Variants in GPHN observed in about 807,000 individuals in gnomAD.
The protein encoded by GPHN is gephyrin.
A neutral mutation model predicts 95.5 loss-of-function variants in GPHN; 17 were observed. The observed-to-expected ratio is 0.18, with a 90% CI of 0.12 to 0.27. The LOEUF (loss-of-function observed/expected upper bound fraction) is 0.27. Ranked by LOEUF, GPHN falls within the 10% of genes least tolerant of loss-of-function variation. The pLI, the probability that GPHN is intolerant of heterozygous loss-of-function variation, is 1.00. For missense variants in GPHN, 660 were observed against 978.1 expected (o/e 0.67, Z 4.34); for synonymous variants, 320 against 322.5 (o/e 0.99, Z 0.08).
At chr14:67,623,534 C>CTTTTTTTTTTTTTT in the GPHN span, among the ~76,000 whole-genome samples, 1 of 82,924 alleles carries the variant, frequency 1.2e-5, no homozygotes, top group African/African-American at 4.9e-5. Flanking sequence ...CTCAGGTAAC[C>CTTTTTTTTTTTTTT]TTTTTTTTTT....
At chr14:67,037,385 G>T (rs2074474443) in intron 10 of GPHN, among the ~76,000 whole-genome samples, 1 of 151,902 alleles carries the variant, frequency 6.6e-6, no homozygotes. Context: ...ACATTGAAAT[G>T]GGAAACGATC....
In GPHN at chr14:66,822,115, C is replaced by G. The variant is rs180892068; in HGVS notation, c.202-2359C>G. Reference sequence around the variant, plus strand: ...TAGAGGCACCCACCACCGTGCCCGGCCAATTTTTGTATTTTTAGTAGAGAC... The same window carrying G: ...TAGAGGCACCCACCACCGTGCCCGGGCAATTTTTGTATTTTTAGTAGAGAC... On this transcript the variant is annotated intron_variant, in intron 3 of 22. Transcript: ENST00000478722. Among the ~76,000 whole-genome samples, 38 of 152,222 alleles carry G rather than the reference C, an allele frequency of 2.5e-4. No homozygotes were observed. The East Asian group carries it at 5.6e-3, about 23-fold the overall frequency.
At chr14:67,254,435 C>T in the GPHN span, 1 of 152,126 alleles carries the variant, frequency 6.6e-6, no homozygotes, top group African/African-American at 2.4e-5. Flanking sequence ...GTAAGACTGT[C>T]TTGTCAAAAT....
chr14:66,681,439 G>C (rs1279369491), intron 2 of GPHN, among the ~76,000 whole-genome samples: 1 of 152,134 alleles, frequency 6.6e-6, no homozygotes, highest in Non-Finnish European at 1.5e-5. Flanking sequence ...CAATGTGGCA[G>C]TAGCTACTAG....
chr14:67,264,221 G>A, the GPHN span, among the ~76,000 whole-genome samples: 3 of 152,072 alleles, frequency 2.0e-5, no homozygotes, highest in Non-Finnish European at 2.9e-5. Context: ...CTGTCTCCTC[G>A]TTTGTCATTG....
the GPHN span, among the ~76,000 whole-genome samples, chr14:67,527,348 C>T: frequency 9.5e-4 from 144 of 152,252 alleles, 1 homozygote; most frequent in South Asian, 1.5e-3. Flanking sequence ...TAAGATGATT[C>T]CTCTGTTTCA....
chr14:67,105,265 G>T (rs2077972604), intron 13 of GPHN, among the ~76,000 whole-genome samples: 2 of 151,916 alleles, frequency 1.3e-5, no homozygotes, highest in Admixed American at 1.3e-4. Flanking sequence ...TGGTCTATCT[G>T]GAGAATGTTC....
intron 2 of GPHN, among the ~76,000 whole-genome samples, chr14:66,759,166 C>T (rs776260907): frequency 6.6e-5 from 10 of 152,126 alleles, no homozygotes; most frequent in African/African-American, 1.4e-4. Flanking sequence ...TTCTTAAAGC[C>T]GAGCCCAGCC....
chr14:66,621,544 T>C (rs12323393), intron 1 of GPHN, among the ~76,000 whole-genome samples: 49,465 of 150,456 alleles, frequency 0.33, 11,914 homozygotes, highest in African/African-American at 0.66. Flanking sequence ...CCTGCCTCAG[T>C]CTCCTGAGTA....
the GPHN span, among the ~76,000 whole-genome samples, chr14:67,608,964 G>A: frequency 2.0e-5 from 3 of 152,164 alleles, no homozygotes; most frequent in Admixed American, 6.5e-5. Flanking sequence ...AAAGCAGTTC[G>A]ACACTATCCA....
chr14:66,832,117 A>T (rs975527545), intron 4 of GPHN, among the ~76,000 whole-genome samples: 1 of 152,220 alleles, frequency 6.6e-6, no homozygotes, highest in African/African-American at 2.4e-5. Context: ...ACTGCATTCC[A>T]ACCTGGGTGA....
intron 2 of GPHN, among the ~76,000 whole-genome samples, chr14:66,721,494 T>C (rs963365214): frequency 3.3e-5 from 5 of 152,162 alleles, no homozygotes; most frequent in African/African-American, 9.7e-5. Flanking sequence ...AAAGAAGATA[T>C]AGCATCAGTT....
chr14:67,350,785 A>G, the GPHN span: 1 of 1,187,360 alleles, frequency 8.4e-7, no homozygotes, highest in Non-Finnish European at 1.2e-6. Context: ...TCAGTATTTT[A>G]TGCTGGCTGT....
chr14:67,318,873 T>C, the GPHN span, among the ~76,000 whole-genome samples: 2 of 151,880 alleles, frequency 1.3e-5, no homozygotes, highest in East Asian at 1.9e-4. Flanking sequence ...CTGGCTAACA[T>C]GGTGAAACTC....
At chr14:67,179,772 T>C (rs1458410532) in intron 22 of GPHN, 98 bp downstream of exon 22, 3 of 745,722 alleles carry the variant, frequency 4.0e-6, no homozygotes, top group Non-Finnish European at 4.8e-6. Context: ...TTTGTAATTA[T>C]TATACATTTT....
the GPHN span, among the ~76,000 whole-genome samples, chr14:67,675,950 A>G: frequency 1.3e-5 from 2 of 152,040 alleles, no homozygotes; most frequent in Non-Finnish European, 2.9e-5. Flanking sequence ...CACAAAAATT[A>G]GCCAAGCGTG....
the GPHN span, among the ~76,000 whole-genome samples, chr14:67,622,973 G>T: frequency 6.6e-6 from 1 of 152,230 alleles, no homozygotes; most frequent in Admixed American, 6.5e-5. Flanking sequence ...TCCAACCCAG[G>T]GGAAGCCATT....
intron 17 of GPHN, among the ~76,000 whole-genome samples, chr14:67,138,985 G>A (rs553282569): frequency 7.6e-4 from 114 of 150,092 alleles, no homozygotes; most frequent in African/African-American, 2.8e-3. Context: ...CACTTTGGGA[G>A]GCCAAGGTGG....
chr14:67,151,607 C>T (rs1567412751), intron 18 of GPHN, among the ~76,000 whole-genome samples: 1 of 152,120 alleles, frequency 6.6e-6, no homozygotes, highest in East Asian at 1.9e-4. Flanking sequence ...GAATTCACTC[C>T]AGGAACCAAG....
Sources: gnomAD v4.1 joint callset for allele counts (sites outside exome capture counted in the v4.1 genomes callset) on GRCh38, gnomAD v4.1.1 for gene constraint, MANE v1.5 for transcripts, NCBI Gene and HGNC (gene_info 2026-07-23, HGNC 2026-07-21) for gene names.